The following WDFY3 variants were observed in gnomAD, a reference collection of about 807,000 sequenced individuals.
WDFY3 encodes WD repeat and FYVE domain containing 3.
Under a neutral mutation model 409.6 loss-of-function variants are expected in WDFY3, and 66 were observed. That is an observed-to-expected ratio of 0.16 (90% confidence interval 0.13 to 0.20). The LOEUF (loss-of-function observed/expected upper bound fraction) is 0.20, where lower values mean the gene tolerates loss of function less well. Ranked by LOEUF, WDFY3 falls within the 10% of genes least tolerant of loss-of-function variation. The probability of loss-of-function intolerance (pLI) is 1.00; values close to 1 mark genes in which losing one functional copy is unlikely to be tolerated. For synonymous variants in WDFY3, 1,521 were observed against 1,537.1 expected (o/e 0.99, Z 0.25); for missense variants, 3,031 against 4,298.1 (o/e 0.71, Z 8.24).
intron 53 of WDFY3, among the ~76,000 whole-genome samples, chr4:84,707,878 G>T (rs1203879966): frequency 6.6e-6 from 1 of 152,092 alleles, no homozygotes; most frequent in Non-Finnish European, 1.5e-5. Context: ...ATATAGGGTG[G>T]ATTTCCTTTC....
At chr4:84,839,750 C>A (rs531525495) in intron 6 of WDFY3, among the ~76,000 whole-genome samples, 1 of 151,726 alleles carries the variant, frequency 6.6e-6, no homozygotes, top group Non-Finnish European at 1.5e-5. Context: ...CCCAGCTACT[C>A]GGGAGGCTGA....
At chr4:84,894,917 T>G (rs370240216) in intron 3 of WDFY3, among the ~76,000 whole-genome samples, 7 of 135,154 alleles carry the variant, frequency 5.2e-5, no homozygotes, top group African/African-American at 1.4e-4. Context: ...ACCACGGCAC[T>G]CCAGGCTGGG....
At chr4:84,944,748 C>T (rs1159054621) in intron 1 of WDFY3, among the ~76,000 whole-genome samples, 2 of 149,796 alleles carry the variant, frequency 1.3e-5, no homozygotes, top group South Asian at 2.1e-4. Flanking sequence ...GCCGAGATCA[C>T]GCCACTGCAC....
At chr4:84,741,455 C>T (rs1738406635) in intron 38 of WDFY3, among the ~76,000 whole-genome samples, 1 of 151,964 alleles carries the variant, frequency 6.6e-6, no homozygotes, top group South Asian at 2.1e-4. Flanking sequence ...GCTGGAATTA[C>T]AGGCGCGCAC....
chr4:84,747,143 G>A (rs1456734704), intron 36 of WDFY3, among the ~76,000 whole-genome samples: 1 of 152,196 alleles, frequency 6.6e-6, no homozygotes, highest in African/African-American at 2.4e-5. Flanking sequence ...GGTGAAAACA[G>A]CAAAGCCAGT....
intron 3 of WDFY3, among the ~76,000 whole-genome samples, chr4:84,886,061 A>T (rs142548151): frequency 4.9e-4 from 75 of 152,330 alleles, no homozygotes; most frequent in African/African-American, 1.7e-3. Flanking sequence ...AAAAAATTAA[A>T]AAATAAGATG....
In WDFY3 at chr4:84,831,405, A is replaced by T; in HGVS notation, c.769+8T>A. On this transcript the variant is annotated splice_region_variant and intron_variant, in intron 8 of 67. Coordinates refer to ENST00000295888, the MANE Select transcript of WDFY3 (RefSeq NM_014991.6). Reference sequence around the variant, plus strand: ...TTAGAACACTTAAATATATAAAGAGATATTCACCATGAATATACTTCACTA... The same window carrying T: ...TTAGAACACTTAAATATATAAAGAGTTATTCACCATGAATATACTTCACTA... 5.1e-6 allele frequency: 8 copies of T among 1,565,820 alleles called. No individual in the cohort carries two copies. The highest frequency in any genetic ancestry group is 6.1e-6 in the Non-Finnish European group (7 of 1,155,064).
At chr4:84,849,836 T>A in intron 5 of WDFY3, 66 bp downstream of exon 5, 1 of 1,583,510 alleles carries the variant, frequency 6.3e-7, no homozygotes, top group Non-Finnish European at 8.5e-7. Flanking sequence ...TTAATTTTAA[T>A]GGGACTTTTA....
At chr4:84,954,970 T>G (rs548879009) in intron 1 of WDFY3, among the ~76,000 whole-genome samples, 91 of 152,302 alleles carry the variant, frequency 6.0e-4, no homozygotes, top group Non-Finnish European at 1.1e-3. Flanking sequence ...TGTGGGAGGC[T>G]GAGGCAGGTG....
intron 29 of WDFY3, 152 bp downstream of exon 29, chr4:84,774,668 A>AT: frequency 1.2e-6 from 1 of 820,730 alleles, no homozygotes; most frequent in Non-Finnish European, 1.8e-6. Context: ...TGTCTCATTC[A>AT]TGTTTTCCAT....
intron 1 of WDFY3, among the ~76,000 whole-genome samples, chr4:84,945,053 C>G (rs1378602362): frequency 2.0e-5 from 3 of 152,108 alleles, no homozygotes; most frequent in Non-Finnish European, 4.4e-5. Flanking sequence ...TAAAAAAATT[C>G]CTGTCCCATG....
At chr4:84,681,234 C>T (rs1302673435) in intron 64 of WDFY3, among the ~76,000 whole-genome samples, 1 of 152,136 alleles carries the variant, frequency 6.6e-6, no homozygotes, top group Admixed American at 6.5e-5. Flanking sequence ...AATATCTTTC[C>T]ACCCTGAATT....
intron 56 of WDFY3, among the ~76,000 whole-genome samples, chr4:84,699,002 T>C (rs1272378761): frequency 6.6e-6 from 1 of 152,124 alleles, no homozygotes; most frequent in African/African-American, 2.4e-5. Context: ...GTGTGTTTTC[T>C]TTTACACCAT....
At chr4:84,745,587 T>A (rs560832274) in intron 36 of WDFY3, among the ~76,000 whole-genome samples, 1 of 152,294 alleles carries the variant, frequency 6.6e-6, no homozygotes, top group Non-Finnish European at 1.5e-5. Context: ...GTAAGGAAAA[T>A]TGCTCTTTCT....
chr4:84,868,719 T>G (rs1271637047), intron 3 of WDFY3, among the ~76,000 whole-genome samples: 1 of 152,210 alleles, frequency 6.6e-6, no homozygotes, highest in Non-Finnish European at 1.5e-5. Context: ...ATCTCCCTGC[T>G]GCCTTTCTGG....
intron 62 of WDFY3, 59 bp downstream of exon 62, chr4:84,688,027 A>G (rs1187234337): frequency 1.9e-6 from 3 of 1,543,304 alleles, no homozygotes; most frequent in Non-Finnish European, 2.6e-6. Context: ...ACCATTTTTA[A>G]TTGAGTTTGG....
intron 18 of WDFY3, 146 bp downstream of exon 18, chr4:84,797,850 C>T (rs1327477712): frequency 1.1e-5 from 7 of 643,872 alleles, no homozygotes; most frequent in African/African-American, 3.7e-5. Flanking sequence ...GGATTACAGG[C>T]GTGAGCCACC....
At chr4:84,864,370 A>G in intron 3 of WDFY3, among the ~76,000 whole-genome samples, 1 of 151,198 alleles carries the variant, frequency 6.6e-6, no homozygotes, top group East Asian at 1.9e-4. Flanking sequence ...CATCTCAAAA[A>G]AAAAAAAAAA....
At chr4:84,963,647 T>A (rs530804742) in intron 1 of WDFY3, among the ~76,000 whole-genome samples, 1 of 152,322 alleles carries the variant, frequency 6.6e-6, no homozygotes, top group South Asian at 2.1e-4. Context: ...TTGTATGCTA[T>A]GATAATCTCA....
Sources: allele counts gnomAD v4.1 joint callset (sites outside exome capture counted in the v4.1 genomes callset), GRCh38; gene constraint gnomAD v4.1.1; transcripts MANE v1.5; gene names NCBI Gene and HGNC (gene_info 2026-07-23, HGNC 2026-07-21).